Variants in CCDC7 observed in about 807,000 individuals in gnomAD.
CCDC7 encodes the protein coiled-coil domain-containing protein 7.
A neutral mutation model predicts 196.9 loss-of-function variants in CCDC7; 183 were observed. That is an observed-to-expected ratio of 0.93 (90% CI 0.82 to 1.05). The LOEUF is 1.05. Ranked by LOEUF, CCDC7 falls within the 50% of genes least tolerant of loss-of-function variation. The pLI, the probability that CCDC7 is intolerant of heterozygous loss-of-function variation, is 0.00. For synonymous variants in CCDC7, 525 were observed against 484.6 expected, an observed-to-expected ratio of 1.08 and a Z score of -1.10; for missense variants, 1,540 against 1,482.2, an observed-to-expected ratio of 1.04 and a Z score of -0.64.
chr10:32,612,693 G>A (rs187072033), intron 18 of CCDC7, among the ~76,000 whole-genome samples: 1 of 151,980 alleles, frequency 6.6e-6, no homozygotes, highest in East Asian at 1.9e-4. Context: ...TTTGTCACTG[G>A]TTCTGTTTAT....
intron 25 of CCDC7, among the ~76,000 whole-genome samples, chr10:32,721,472 G>A (rs1398668659): frequency 6.6e-6 from 1 of 152,108 alleles, no homozygotes; most frequent in African/African-American, 2.4e-5. Context: ...AAGCCTCCAG[G>A]CAATCCTGTT....
intron 13 of CCDC7, among the ~76,000 whole-genome samples, chr10:32,556,911 T>G (rs1217274345): frequency 6.6e-6 from 1 of 152,244 alleles, no homozygotes; most frequent in Non-Finnish European, 1.5e-5. Flanking sequence ...TGAAGTTACT[T>G]AGTCCCATCC....
chr10:32,527,886 T>G (rs1396831175), intron 11 of CCDC7, among the ~76,000 whole-genome samples: 1 of 152,166 alleles, frequency 6.6e-6, no homozygotes, highest in African/African-American at 2.4e-5. Flanking sequence ...ATTTTTTTAT[T>G]TTTATAAATT....
chr10:32,620,358 GATA>G (rs1373743391), intron 18 of CCDC7, among the ~76,000 whole-genome samples: 1 of 152,116 alleles, frequency 6.6e-6, no homozygotes, highest in Non-Finnish European at 1.5e-5. Context: ...TTTATAGCGT[GATA>G]ATATCATCTT....
chr10:32,642,858 A>T (rs1204960923), intron 20 of CCDC7, among the ~76,000 whole-genome samples: 2 of 152,184 alleles, frequency 1.3e-5, no homozygotes, highest in Non-Finnish European at 2.9e-5. Flanking sequence ...ATGGATGATG[A>T]ATTAGATGAA....
At chr10:32,591,188 T>C (rs905192817) in intron 18 of CCDC7, among the ~76,000 whole-genome samples, 1 of 152,018 alleles carries the variant, frequency 6.6e-6, no homozygotes, top group Non-Finnish European at 1.5e-5. Flanking sequence ...ACACTTAAAT[T>C]TTCCCTAATT....
chr10:32,575,422 G>A (rs1209866667), intron 16 of CCDC7, among the ~76,000 whole-genome samples: 3 of 152,238 alleles, frequency 2.0e-5, no homozygotes, highest in East Asian at 3.9e-4. Flanking sequence ...AGCAATAGAG[G>A]ATATAATATC....
intron 25 of CCDC7, among the ~76,000 whole-genome samples, chr10:32,719,092 G>A (rs534757149): frequency 1.3e-5 from 2 of 152,226 alleles, no homozygotes; most frequent in East Asian, 1.9e-4. Context: ...AAAGAACAAA[G>A]CTGGAGGCAT....
Position 32,499,597 on chromosome 10 carries a change from T to A in CCDC7, c.872+7600T>A, listed in dbSNP as rs574346528. Among the ~76,000 whole-genome samples the A allele has an allele frequency of 3.9e-4, 56 of 145,216 alleles. 1 individual carries two copies. The highest frequency in any genetic ancestry group is 1.1e-3 in the African/African-American group (42 of 39,522). ...GCCCTAATGTTGAATCTTTCTTTTTTATTTTTTTATTTTTTTTTAGTGTTT... is the reference window on the plus strand; with the variant it reads ...GCCCTAATGTTGAATCTTTCTTTTTAATTTTTTTATTTTTTTTTAGTGTTT... On this transcript the variant is annotated intron_variant, in intron 9 of 41. Coordinates refer to ENST00000639629, the Ensembl canonical transcript of CCDC7.
At chr10:32,825,395 T>A (rs1408389869) in intron 32 of CCDC7, among the ~76,000 whole-genome samples, 1 of 152,194 alleles carries the variant, frequency 6.6e-6, no homozygotes, top group Admixed American at 6.5e-5. Context: ...ATGGCTAGAA[T>A]ATAAAGCAGA....
intron 25 of CCDC7, among the ~76,000 whole-genome samples, chr10:32,718,964 A>G (rs2082011242): frequency 6.6e-6 from 1 of 152,208 alleles, no homozygotes; most frequent in Non-Finnish European, 1.5e-5. Context: ...TAATTTATAG[A>G]TTCAATGCTA....
At chr10:32,709,894 A>C (rs2080529080) in intron 24 of CCDC7, among the ~76,000 whole-genome samples, 2 of 152,034 alleles carry the variant, frequency 1.3e-5, no homozygotes, top group African/African-American at 4.8e-5. Flanking sequence ...CTCGTCATTG[A>C]CTGCTCTCAC....
chr10:32,722,212 G>T (rs1198038899), intron 25 of CCDC7, among the ~76,000 whole-genome samples: 1 of 152,058 alleles, frequency 6.6e-6, no homozygotes, highest in East Asian at 1.9e-4. Context: ...GCTCTAACTA[G>T]AGCAATTTTC....
intron 15 of CCDC7, among the ~76,000 whole-genome samples, chr10:32,570,159 T>A (rs1459472313): frequency 6.6e-6 from 1 of 152,158 alleles, no homozygotes; most frequent in Non-Finnish European, 1.5e-5. Flanking sequence ...CCAATTGCGC[T>A]CTTCTCAGAC....
At chr10:32,778,708 C>A (rs1257394814) in intron 28 of CCDC7, among the ~76,000 whole-genome samples, 1 of 152,168 alleles carries the variant, frequency 6.6e-6, no homozygotes, top group Non-Finnish European at 1.5e-5. Context: ...TCTCCTAATT[C>A]TGTTAAAAAT....
At chr10:32,689,118 A>G (rs374773174) in exon 23 of CCDC7, 1 of 1,607,894 alleles carries the variant, frequency 6.2e-7, no homozygotes, top group Middle Eastern at 1.7e-4. Context: ...AAAATCAGAA[A>G]TGCAAGTGAA....
At chr10:32,561,184 G>T (rs2055535475) in intron 13 of CCDC7, among the ~76,000 whole-genome samples, 1 of 152,108 alleles carries the variant, frequency 6.6e-6, no homozygotes, top group Non-Finnish European at 1.5e-5. Flanking sequence ...GAGTGACCTA[G>T]AAAGAGACTT....
At chr10:32,457,474 T>G (rs1168789632) in intron 3 of CCDC7, among the ~76,000 whole-genome samples, 1 of 152,186 alleles carries the variant, frequency 6.6e-6, no homozygotes, top group African/African-American at 2.4e-5. Context: ...GATTGCAGTT[T>G]AGTGCTGCAA....
At chr10:32,873,183 C>A (rs1156774289) in intron 41 of CCDC7, among the ~76,000 whole-genome samples, 1 of 152,104 alleles carries the variant, frequency 6.6e-6, no homozygotes, top group East Asian at 1.9e-4. Context: ...ACCAATCAGA[C>A]ATAGATTTGG....
Sources: gnomAD v4.1 joint callset for allele counts (sites outside exome capture counted in the v4.1 genomes callset) on GRCh38, gnomAD v4.1.1 for gene constraint, MANE v1.5 for transcripts, NCBI Gene and HGNC (gene_info 2026-07-23, HGNC 2026-07-21) for gene names.